EYA2: variants seen among roughly 807,000 people sequenced by gnomAD.
EYA2 encodes EYA transcriptional coactivator and phosphatase 2.
EYA2 carries 31 observed loss-of-function variants against 69.2 expected under a neutral mutation model. That is an observed-to-expected ratio of 0.45 (90% CI 0.34 to 0.60). The LOEUF is 0.60. EYA2 is among the 20% of genes least tolerant of loss of function. The probability of loss-of-function intolerance (pLI) is 0.02; values close to 1 mark genes in which losing one functional copy is unlikely to be tolerated. For synonymous variants in EYA2, 257 were observed against 279.4 expected (o/e 0.92, Z 0.80); for missense variants, 622 against 701.2 (o/e 0.89, Z 1.28).
intron 5 of EYA2, among the ~76,000 whole-genome samples, chr20:47,024,273 T>A (rs1269639022): frequency 6.6e-6 from 1 of 152,226 alleles, no homozygotes; most frequent in South Asian, 2.1e-4. Flanking sequence ...TGAGTCTTGC[T>A]TTCAGCCTTG....
chr20:46,935,410 G>T (rs761071973), intron 1 of EYA2, among the ~76,000 whole-genome samples: 19 of 152,202 alleles, frequency 1.2e-4, no homozygotes, highest in African/African-American at 4.6e-4. Context: ...TTGTCATGAC[G>T]ATTAAATGGG....
At chr20:47,008,518 T>G (rs1982866436) in intron 4 of EYA2, among the ~76,000 whole-genome samples, 1 of 152,226 alleles carries the variant, frequency 6.6e-6, no homozygotes, top group Non-Finnish European at 1.5e-5. Context: ...ACACATAAGT[T>G]ACCCCGCTTG....
intron 9 of EYA2, chr20:47,117,353 A>G (rs1404186359): frequency 1.0e-6 from 1 of 985,086 alleles, no homozygotes; most frequent in Non-Finnish European, 1.2e-6. Context: ...CCTTTCACAC[A>G]TTCATCTGTG....
intron 9 of EYA2, among the ~76,000 whole-genome samples, chr20:47,117,082 G>A (rs2032917396): frequency 6.8e-6 from 1 of 146,250 alleles, no homozygotes; most frequent in Non-Finnish European, 1.5e-5. Context: ...GTGCGATCTC[G>A]GCTCACTGCA....
rs1289786058 is a variant in EYA2 at position 47,016,161 on chromosome 20, T to C, written c.299-20T>C. On this transcript the variant is annotated intron_variant, in intron 4 of 15. Coordinates refer to ENST00000327619, the MANE Select transcript of EYA2 (RefSeq NM_005244.5). The stretch of plus-strand genomic sequence containing the variant: ...AATCATGTGTCCTTGGTCCTTTTTT[T>C]TCCCCCTCTTCCTTCAAAGGCATCA... 2 of 1,582,050 alleles carry C rather than the reference T, an allele frequency of 1.3e-6. No individual in the cohort carries two copies. Among genetic ancestry groups the C allele is most frequent in the East Asian group, 2.2e-5 (1 of 44,722 alleles).
chr20:47,076,559 G>A (rs2031525828), intron 7 of EYA2, among the ~76,000 whole-genome samples: 1 of 152,086 alleles, frequency 6.6e-6, no homozygotes, highest in South Asian at 2.1e-4. Flanking sequence ...TTATCTTTAA[G>A]GATGTTTGTT....
At chr20:46,992,814 C>T (rs2146332336) in intron 2 of EYA2, among the ~76,000 whole-genome samples, 1 of 152,304 alleles carries the variant, frequency 6.6e-6, no homozygotes, top group South Asian at 2.1e-4. Context: ...CTTTCTTTCT[C>T]ATGGGGCAGG....
At chr20:46,994,032 T>G (rs1313678632) in intron 2 of EYA2, among the ~76,000 whole-genome samples, 1 of 152,216 alleles carries the variant, frequency 6.6e-6, no homozygotes. Flanking sequence ...TCATGGTAGA[T>G]CCTTAAAAAA....
intron 7 of EYA2, among the ~76,000 whole-genome samples, chr20:47,083,827 TGAAAA>T (rs2031806085): frequency 1.3e-5 from 2 of 152,210 alleles, no homozygotes; most frequent in South Asian, 2.1e-4. Flanking sequence ...GTTCAGAGAA[TGAAAA>T]GAAATCCATG....
Position 46,960,475 on chromosome 20 carries a change from A to G in EYA2, c.-10-29526A>G, listed in dbSNP as rs560274082. 7.2e-5 allele frequency among the ~76,000 whole-genome samples: 11 copies of G among 152,288 alleles called. No homozygotes were observed. In the South Asian group the frequency reaches 2.3e-3, roughly 32 times the overall value. On this transcript the variant is annotated intron_variant, in intron 1 of 15. Coordinates refer to ENST00000327619, the MANE Select transcript of EYA2 (RefSeq NM_005244.5). ...AATCATCCCAGCAGCGCTATGGACT[A>G]GAAACCTTTGTGATTCCCATTGGTG...
chr20:47,016,990 T>C (rs1166339914), intron 5 of EYA2, among the ~76,000 whole-genome samples: 2 of 152,206 alleles, frequency 1.3e-5, no homozygotes, highest in Admixed American at 6.5e-5. Context: ...GAAGCTGTTA[T>C]TCCAGGCAGG....
At chr20:47,148,242 G>T (rs2146608218) in intron 10 of EYA2, among the ~76,000 whole-genome samples, 1 of 152,148 alleles carries the variant, frequency 6.6e-6, no homozygotes, top group Non-Finnish European at 1.5e-5. Context: ...CCATCCCTCT[G>T]AGCCTCAGTT....
intron 1 of EYA2, among the ~76,000 whole-genome samples, chr20:46,948,208 C>G (rs1005190567): frequency 6.6e-6 from 1 of 152,136 alleles, no homozygotes; most frequent in Non-Finnish European, 1.5e-5. Flanking sequence ...TGGAAAGGGC[C>G]AAATGCTAAC....
At chr20:47,139,650 G>GA (rs1413253939) in intron 9 of EYA2, among the ~76,000 whole-genome samples, 1 of 152,042 alleles carries the variant, frequency 6.6e-6, no homozygotes, top group Non-Finnish European at 1.5e-5. Context: ...GGCTGGTCTC[G>GA]AACTCCTGAC....
chr20:46,909,015 A>G (rs553660676), intron 1 of EYA2, among the ~76,000 whole-genome samples: 2 of 151,454 alleles, frequency 1.3e-5, no homozygotes, highest in South Asian at 2.1e-4. Flanking sequence ...CCAAGGAGCA[A>G]TCAGCTTGCT....
At chr20:46,945,477 C>T (rs16992092) in intron 1 of EYA2, among the ~76,000 whole-genome samples, 2,710 of 152,250 alleles carry the variant, frequency 0.018, 133 homozygotes, top group East Asian at 0.16. Flanking sequence ...ATTTGCTGGC[C>T]GCCTATGGAG....
intron 1 of EYA2, among the ~76,000 whole-genome samples, chr20:46,923,992 A>G (rs553490778): frequency 6.6e-6 from 1 of 152,276 alleles, no homozygotes; most frequent in South Asian, 2.1e-4. Flanking sequence ...ACACTTGCTA[A>G]TTCTCTTTGT....
intron 1 of EYA2, among the ~76,000 whole-genome samples, chr20:46,958,503 A>G (rs1979273380): frequency 6.6e-6 from 1 of 152,188 alleles, no homozygotes; most frequent in South Asian, 2.1e-4. Flanking sequence ...TGGTATGAAG[A>G]TAGTAGCATT....
Position 47,039,151 on chromosome 20 carries a change from T to C in EYA2, c.415+22854T>C, listed in dbSNP as rs187545033. ...CACACACGCGCGCACAATTCTATAA[T>C]GTGAGTTTCTAACTATTTTGACCTA... On this transcript the variant is annotated intron_variant, in intron 5 of 15. Coordinates refer to ENST00000327619, the MANE Select transcript of EYA2 (RefSeq NM_005244.5). Among the ~76,000 whole-genome samples, 40 of 145,636 alleles carry C rather than the reference T, an allele frequency of 2.7e-4. No homozygotes were observed. The East Asian group carries it at 5.9e-3, about 22-fold the overall frequency.
Sources: allele counts gnomAD v4.1 joint callset (sites outside exome capture counted in the v4.1 genomes callset), GRCh38; gene constraint gnomAD v4.1.1; transcripts MANE v1.5; gene names NCBI Gene and HGNC (gene_info 2026-07-23, HGNC 2026-07-21).